Variants in BBS9 observed in about 807,000 individuals in gnomAD.
BBS9 encodes Bardet-Biedl syndrome 9.
BBS9 carries 89 observed loss-of-function variants against 117.7 expected under a neutral mutation model. The observed-to-expected ratio is 0.76, with a 90% CI of 0.64 to 0.90. BBS9 has a LOEUF of 0.90. Among genes scored for constraint, BBS9 ranks in the 40% least tolerant of loss-of-function variants. The probability of loss-of-function intolerance (pLI) is 0.00; values close to 1 mark genes in which losing one functional copy is unlikely to be tolerated. For synonymous variants in BBS9, 379 were observed against 370.9 expected (o/e 1.02, Z -0.25); for missense variants, 982 against 1,042.2 (o/e 0.94, Z 0.80).
At chr7:33,348,488 T>G (rs1563041002) in intron 12 of BBS9, among the ~76,000 whole-genome samples, 1 of 152,224 alleles carries the variant, frequency 6.6e-6, no homozygotes, top group Non-Finnish European at 1.5e-5. Context: ...GATGGGAATT[T>G]GGATTATTTC....
At chr7:33,351,394 G>T in intron 14 of BBS9, 71 bp downstream of exon 14, 1 of 976,064 alleles carries the variant, frequency 1.0e-6, no homozygotes, top group Non-Finnish European at 1.7e-6. Flanking sequence ...CATTTAAGAT[G>T]AGAAAACATA....
chr7:33,530,202 C>A (rs1011726426), intron 20 of BBS9, among the ~76,000 whole-genome samples: 8 of 152,134 alleles, frequency 5.3e-5, no homozygotes, highest in African/African-American at 1.9e-4. Flanking sequence ...TCAGTCCCTC[C>A]AAGTAATAAC....
At chr7:33,560,570 T>G (rs1431663366) in intron 21 of BBS9, among the ~76,000 whole-genome samples, 2 of 152,206 alleles carry the variant, frequency 1.3e-5, no homozygotes, top group Non-Finnish European at 2.9e-5. Flanking sequence ...ACAGTGCTGC[T>G]GCTTACTTCC....
intron 4 of BBS9, among the ~76,000 whole-genome samples, chr7:33,169,349 T>C (rs1410832442): frequency 6.6e-6 from 1 of 151,424 alleles, no homozygotes; most frequent in Non-Finnish European, 1.5e-5. Context: ...CTGGGTCAAA[T>C]GGTATTTCTA....
chr7:33,488,934 T>C (rs1382902719), intron 19 of BBS9, among the ~76,000 whole-genome samples: 1 of 151,470 alleles, frequency 6.6e-6, no homozygotes, highest in Non-Finnish European at 1.5e-5. Flanking sequence ...TGATTGATAA[T>C]AGCTGTAAGT....
At chr7:33,319,865 A>G (rs1034339483) in intron 9 of BBS9, among the ~76,000 whole-genome samples, 1 of 152,238 alleles carries the variant, frequency 6.6e-6, no homozygotes, top group African/African-American at 2.4e-5. Context: ...TTAGCAAGAA[A>G]AAAACCAAAC....
chr7:33,229,722 A>T (rs1791965846), intron 5 of BBS9, among the ~76,000 whole-genome samples: 1 of 152,208 alleles, frequency 6.6e-6, no homozygotes, highest in Non-Finnish European at 1.5e-5. Context: ...ATAAACATGG[A>T]AGTGCAAATG....
chr7:33,541,887 A>G (rs982198253), intron 21 of BBS9, among the ~76,000 whole-genome samples: 8 of 152,218 alleles, frequency 5.3e-5, no homozygotes, highest in African/African-American at 1.9e-4. Context: ...ATATGACTAT[A>G]CTAAAAACCA....
intron 19 of BBS9, among the ~76,000 whole-genome samples, chr7:33,388,654 A>G (rs1180734568): frequency 1.3e-5 from 2 of 152,134 alleles, no homozygotes; most frequent in Non-Finnish European, 2.9e-5. Context: ...CTTCTTGATC[A>G]CCTTCCATCC....
intron 21 of BBS9, among the ~76,000 whole-genome samples, chr7:33,543,547 G>T (rs1852760797): frequency 6.6e-6 from 1 of 152,156 alleles, no homozygotes; most frequent in Non-Finnish European, 1.5e-5. Context: ...CCAATGTCTA[G>T]ATGTTTCTGC....
chr7:33,188,829 G>C (rs769827774), intron 5 of BBS9, among the ~76,000 whole-genome samples: 2 of 152,242 alleles, frequency 1.3e-5, no homozygotes, highest in Middle Eastern at 3.4e-3. Flanking sequence ...CCAAAGGAAA[G>C]GTGCTTTGTA....
Position 33,489,912 on chromosome 7 carries a change from G to T in BBS9, c.2116-15551G>T, listed in dbSNP as rs144110217. 6.0e-3 allele frequency among the ~76,000 whole-genome samples: 920 copies of T among 152,252 alleles called. 9 individuals are homozygous for T. Among genetic ancestry groups the T allele is most frequent in the African/African-American group, 0.021 (876 of 41,546 alleles). ...TCCAAATTCAGCTCTTTATCACAGTGTTGGATATTGATACCAAGAATTTAA... is the reference window on the plus strand; with the variant it reads ...TCCAAATTCAGCTCTTTATCACAGTTTTGGATATTGATACCAAGAATTTAA... On this transcript the variant is annotated intron_variant, in intron 19 of 22. Coordinates refer to ENST00000242067, the MANE Select transcript of BBS9 (RefSeq NM_198428.3).
intron 19 of BBS9, among the ~76,000 whole-genome samples, chr7:33,485,186 G>A (rs1842935083): frequency 6.6e-6 from 1 of 152,094 alleles, no homozygotes; most frequent in African/African-American, 2.4e-5. Context: ...CAGCTAATGG[G>A]TGCTGGGCTT....
intron 7 of BBS9, among the ~76,000 whole-genome samples, chr7:33,269,610 G>T (rs1158615297): frequency 1.3e-5 from 2 of 152,032 alleles, no homozygotes; most frequent in Non-Finnish European, 2.9e-5. Context: ...CAGCACAGAA[G>T]TGGGAGAAGA....
chr7:33,285,590 A>T (rs1477481061), intron 9 of BBS9, among the ~76,000 whole-genome samples: 1 of 152,092 alleles, frequency 6.6e-6, no homozygotes, highest in Non-Finnish European at 1.5e-5. Flanking sequence ...AAAGGTCTTT[A>T]TGAGATGACC....
chr7:33,426,722 C>T (rs1833711824), intron 19 of BBS9, among the ~76,000 whole-genome samples: 1 of 151,790 alleles, frequency 6.6e-6, no homozygotes, highest in Non-Finnish European at 1.5e-5. Context: ...CTTAATTTAA[C>T]TACAGAACAC....
chr7:33,521,431 T>G (rs560506832), intron 20 of BBS9, among the ~76,000 whole-genome samples: 2 of 152,354 alleles, frequency 1.3e-5, no homozygotes, highest in Admixed American at 1.3e-4. Flanking sequence ...TGCTCTACCG[T>G]TGGTTGAAAC....
At chr7:33,522,617 G>C (rs1415132454) in intron 20 of BBS9, among the ~76,000 whole-genome samples, 3 of 151,968 alleles carry the variant, frequency 2.0e-5, no homozygotes, top group South Asian at 2.1e-4. Flanking sequence ...TTGTAAACTT[G>C]TTTGAGTTCA....
At chr7:33,325,971 C>G (rs1263400015) in intron 9 of BBS9, among the ~76,000 whole-genome samples, 1 of 152,104 alleles carries the variant, frequency 6.6e-6, no homozygotes, top group Non-Finnish European at 1.5e-5. Flanking sequence ...CATCCAAGGC[C>G]TCTCATAACC....
Sources: gnomAD v4.1 joint callset for allele counts (sites outside exome capture counted in the v4.1 genomes callset) on GRCh38, gnomAD v4.1.1 for gene constraint, MANE v1.5 for transcripts, NCBI Gene and HGNC (gene_info 2026-07-23, HGNC 2026-07-21) for gene names.